DENND4C: variants seen among roughly 807,000 people sequenced by gnomAD.
The protein encoded by DENND4C is DENN domain containing 4C.
DENND4C carries 108 observed loss-of-function variants against 203.0 expected under a neutral mutation model. The observed-to-expected ratio is 0.53, with a 90% CI of 0.46 to 0.62. The LOEUF is 0.62. Among genes scored for constraint, DENND4C ranks in the 20% least tolerant of loss-of-function variants. The probability of loss-of-function intolerance (pLI) is 0.00; values close to 1 mark genes in which losing one functional copy is unlikely to be tolerated. For synonymous variants in DENND4C, 871 were observed against 792.4 expected (o/e 1.10, Z -1.67); for missense variants, 2,481 against 2,301.2 (o/e 1.08, Z -1.60).
rs1332647325 is a variant in DENND4C, at chr9:19,286,951, T to C, written c.488T>C (p.Ile163Thr). 4.1e-6 allele frequency: 5 copies of C among 1,232,094 alleles called. No individual in the cohort carries two copies. Among genetic ancestry groups the C allele is most frequent in the Non-Finnish European group, 5.1e-6 (5 of 987,942 alleles). The allele number at this position is 1,232,094 out of a possible 1,614,324, so 76.3% of individuals were successfully genotyped here. ...NSLAVTDICV[I>T]VTSKGETPPH... ...TTGGCTGTAACTGATATCTGTGTTA[T>C]TGTAACCAGTAAAGGAGAAACTCCT... The change falls in exon 3 of 33, where the codon ATT becomes ACT. Residue 163 changes from isoleucine to threonine, a missense_variant. This residue lies in a region of DENND4C where 5 missense variants were observed against 20.5 expected (regional missense o/e 0.24). Coordinates refer to ENST00000434457, the MANE Select transcript of DENND4C (RefSeq NM_001330640.2).
chr9:19,251,130 G>A (rs1309539191), intron 1 of DENND4C, among the ~76,000 whole-genome samples: 1 of 152,202 alleles, frequency 6.6e-6, no homozygotes, highest in Non-Finnish European at 1.5e-5. Flanking sequence ...ATTTCTTCCT[G>A]CCCATCCAGG....
rs1318745036 is a variant in DENND4C, at chr9:19,372,162, CCT to C, written c.5870_5871del (p.Leu1957HisfsTer10). 6 of 1,610,724 alleles carry C rather than the reference CCT, an allele frequency of 3.7e-6. No homozygotes were observed. The highest frequency in any genetic ancestry group is 1.3e-5 in the African/African-American group (1 of 74,884). Reference sequence around the variant, plus strand: ...GTGGTGCAGGAAGTGTTTTGGAGCGCCTCTCATTTAAATAGAGATTCACTAGA... The same window carrying C: ...GTGGTGCAGGAAGTGTTTTGGAGCGCCTCATTTAAATAGAGATTCACTAGA... ...VEWCRKCFGAPLI is the reference protein window; with the variant it reads ...VEWCRKCFGAXLI On this transcript the variant is annotated frameshift_variant, in exon 33 of 33. Coordinates refer to ENST00000434457, the MANE Select transcript of DENND4C (RefSeq NM_001330640.2). LOFTEE classifies it high-confidence loss of function.
chr9:19,373,418 T>C lies in DENND4C; in HGVS notation c.*1245T>C, dbSNP rs1026285790. 3.3e-5 allele frequency: 5 copies of C among 152,658 alleles called. No individual in the cohort carries two copies. The highest frequency in any genetic ancestry group is 1.2e-4 in the African/African-American group (5 of 41,462). The allele number at this position is 152,658 out of a possible 1,614,324, so 9.5% of individuals were successfully genotyped here. On this transcript the variant is annotated 3_prime_UTR_variant, in exon 33 of 33. Coordinates refer to ENST00000434457, the MANE Select transcript of DENND4C (RefSeq NM_001330640.2). ...ATGTCATTGAACATGAAATCTTTTT[T>C]CAGGCACATACATTGTTGGTATTGA...
intron 1 of DENND4C, among the ~76,000 whole-genome samples, chr9:19,252,106 G>A (rs1176910155): frequency 1.3e-5 from 2 of 152,260 alleles, no homozygotes; most frequent in South Asian, 2.1e-4. Flanking sequence ...CAAAGGAAAG[G>A]GGTTTATTGG....
chr9:19,278,256 C>G (rs999555766), intron 2 of DENND4C, among the ~76,000 whole-genome samples: 1 of 152,022 alleles, frequency 6.6e-6, no homozygotes, highest in African/African-American at 2.4e-5. Flanking sequence ...CTGCCTCAGC[C>G]TCTTGAGTAG....
intron 1 of DENND4C, among the ~76,000 whole-genome samples, chr9:19,233,809 C>G (rs1215961777): frequency 2.0e-5 from 3 of 152,096 alleles, no homozygotes; most frequent in Non-Finnish European, 4.4e-5. Context: ...GCCAGGTGGC[C>G]TGATGTCAGG....
At chr9:19,353,717 G>A (rs1474888740) in intron 26 of DENND4C, among the ~76,000 whole-genome samples, 1 of 152,096 alleles carries the variant, frequency 6.6e-6, no homozygotes, top group South Asian at 2.1e-4. Flanking sequence ...CAGATCACTT[G>A]AGGTCAGGAG....
chr9:19,261,055 A>G (rs1014181641), intron 1 of DENND4C, among the ~76,000 whole-genome samples: 1 of 152,070 alleles, frequency 6.6e-6, no homozygotes, highest in Admixed American at 6.6e-5. Flanking sequence ...AGAAATAGGG[A>G]TCTAGTTTCC....
chr9:19,296,445 A>G lies in DENND4C; in HGVS notation c.1040+199A>G, dbSNP rs560899248. 8.7e-5 allele frequency among the ~76,000 whole-genome samples: 13 copies of G among 149,548 alleles called. No individual in the cohort carries two copies. The South Asian group carries it at 1.7e-3, about 20-fold the overall frequency. On this transcript the variant is annotated intron_variant, in intron 6 of 32. Coordinates refer to ENST00000434457, the MANE Select transcript of DENND4C (RefSeq NM_001330640.2). ...AGTGGTGTGATCTTGGTTCACTGCA[A>G]CCTCCACCTCCTGGGTTCATGCAGT...
At chr9:19,355,954 GTTAA>G (rs1825305813) in intron 26 of DENND4C, among the ~76,000 whole-genome samples, 1 of 151,834 alleles carries the variant, frequency 6.6e-6, no homozygotes, top group East Asian at 1.9e-4. Context: ...TACTTTTTGA[GTTAA>G]TTGTGTTTTT....
chr9:19,349,848 G>T (rs920196943), intron 23 of DENND4C, among the ~76,000 whole-genome samples: 2 of 152,016 alleles, frequency 1.3e-5, no homozygotes, highest in Non-Finnish European at 2.9e-5. Flanking sequence ...AAGAAGTACA[G>T]GTGAAAAACA....
intron 10 of DENND4C, among the ~76,000 whole-genome samples, chr9:19,310,886 G>C (rs1395192882): frequency 6.6e-6 from 1 of 152,064 alleles, no homozygotes; most frequent in Non-Finnish European, 1.5e-5. Flanking sequence ...ATTAGTAGTA[G>C]ACAGTCCTTG....
intron 22 of DENND4C, among the ~76,000 whole-genome samples, chr9:19,343,519 C>A (rs1413953325): frequency 6.6e-6 from 1 of 152,208 alleles, no homozygotes; most frequent in Non-Finnish European, 1.5e-5. Context: ...ATTTGTTCAG[C>A]TTCTTAAACC....
Position 19,372,858 on chromosome 9 carries a change from C to CAAAAAAAAAAAAAAAA in DENND4C, c.*692_*707dup, listed in dbSNP as rs368857837. 1 of 52,978 alleles carries CAAAAAAAAAAAAAAAA rather than the reference C, an allele frequency of 1.9e-5. No homozygotes were observed. The highest frequency in any genetic ancestry group is 5.9e-5 in the African/African-American group (1 of 16,910). The allele number at this position is 52,978 out of a possible 1,614,324, so 3.3% of individuals were successfully genotyped here. A position where few individuals can be genotyped will look rare whatever the true frequency, so the allele number is the denominator to read the frequency against. ...CTTGGGTGACAGAGTGAGACCGTCT[C>CAAAAAAAAAAAAAAAA]AAAAAAAAAAAAAAAAAAAAAAGAG... On this transcript the variant is annotated 3_prime_UTR_variant, in exon 33 of 33. Coordinates refer to ENST00000434457, the MANE Select transcript of DENND4C (RefSeq NM_001330640.2).
intron 6 of DENND4C, among the ~76,000 whole-genome samples, chr9:19,297,084 T>C (rs1477243354): frequency 6.6e-6 from 1 of 152,224 alleles, no homozygotes; most frequent in Non-Finnish European, 1.5e-5. Flanking sequence ...TAGTGGCGCA[T>C]TGACTTCTGT....
chr9:19,292,134 C>T (rs1395456194), intron 5 of DENND4C: 1 of 152,046 alleles, frequency 6.6e-6, no homozygotes, highest in Admixed American at 6.5e-5. Flanking sequence ...AAGTGATTCT[C>T]CTGCCTCAGC....
At chr9:19,296,756 A>G (rs1463740124) in intron 6 of DENND4C, among the ~76,000 whole-genome samples, 1 of 152,156 alleles carries the variant, frequency 6.6e-6, no homozygotes, top group Non-Finnish European at 1.5e-5. Context: ...TGAAGAAGTA[A>G]CTCTTATAAA....
chr9:19,328,227 C>G lies in DENND4C; in HGVS notation c.2253+65C>G, dbSNP rs185078346. 350 of 1,425,572 alleles carry G rather than the reference C, an allele frequency of 2.5e-4. No individual in the cohort carries two copies. In the East Asian group the frequency reaches 6.8e-3, roughly 28 times the overall value. The allele number at this position is 1,425,572 out of a possible 1,614,324, so 88.3% of individuals were successfully genotyped here. A position where few individuals can be genotyped will look rare whatever the true frequency, so the allele number is the denominator to read the frequency against. ...TAAAATATGTATATGTGATATGCAG[C>G]TCATAGTTTAGAATGATCACCCACA... On this transcript the variant is annotated intron_variant, in intron 16 of 32. Coordinates refer to ENST00000434457, the MANE Select transcript of DENND4C (RefSeq NM_001330640.2).
chr9:19,345,695 TA>T (rs1234253688), intron 22 of DENND4C, among the ~76,000 whole-genome samples: 1 of 152,226 alleles, frequency 6.6e-6, no homozygotes, highest in Non-Finnish European at 1.5e-5. Context: ...GGTGTTTATA[TA>T]AATATAGGAT....
Sources: gnomAD v4.1 joint callset for allele counts (sites outside exome capture counted in the v4.1 genomes callset) on GRCh38, gnomAD v4.1.1 for gene constraint, gnomAD v4.1.1 regional missense constraint, MANE v1.5 for transcripts, NCBI Gene and HGNC (gene_info 2026-07-23, HGNC 2026-07-21) for gene names.